MMS19: variants seen among roughly 807,000 people sequenced by gnomAD.
The protein encoded by MMS19 is MMS19 cytosolic iron-sulfur assembly component.
In MMS19, 77 loss-of-function variants were observed where a neutral mutation model predicts 129.8. The ratio of observed to expected loss-of-function variants is 0.59; its 90% CI spans 0.49 to 0.72. The LOEUF is 0.72. Ranked by LOEUF, MMS19 falls within the 30% of genes least tolerant of loss-of-function variation. The pLI is 0.00. For synonymous variants in MMS19, 491 were observed against 502.8 expected (o/e 0.98, Z 0.31); for missense variants, 1,168 against 1,266.3 (o/e 0.92, Z 1.18).
chr10:97,483,631 GTAACACTGC>G (rs993393526), intron 2 of MMS19, among the ~76,000 whole-genome samples: 1 of 152,262 alleles, frequency 6.6e-6, no homozygotes, highest in Non-Finnish European at 1.5e-5. Context: ...ATCCCAAGCT[GTAACACTGC>G]TTTATCAGCT....
At chr10:97,498,448 G>A, upstream of MMS19, 1 of 1,536,198 alleles carries the variant, frequency 6.5e-7, no homozygotes. Flanking sequence ...CTCCGCGCAT[G>A]CGCCTCCCGA....
chr10:97,459,143 C>T (rs2030853162), intron 29 of MMS19, 80 bp downstream of exon 29: 2 of 1,410,788 alleles, frequency 1.4e-6, no homozygotes, highest in South Asian at 1.4e-5. Flanking sequence ...GGTGGCCAAG[C>T]CCACCTGACT....
At chr10:97,471,744 C>T (rs1260529639) in intron 8 of MMS19, among the ~76,000 whole-genome samples, 1 of 152,144 alleles carries the variant, frequency 6.6e-6, no homozygotes. Flanking sequence ...CTCCTGACCT[C>T]GAATGATCCA....
chr10:97,496,832 A>G (rs1436097399), intron 1 of MMS19, among the ~76,000 whole-genome samples: 1 of 152,264 alleles, frequency 6.6e-6, no homozygotes, highest in African/African-American at 2.4e-5. Flanking sequence ...CATGCATGCC[A>G]AAGTATTTAA....
Position 97,463,856 on chromosome 10 carries a change from A to G in MMS19, c.1912+2T>C. On this transcript the variant is annotated splice_donor_variant, in intron 19 of 30. Coordinates refer to ENST00000438925, the MANE Select transcript of MMS19 (RefSeq NM_022362.5). LOFTEE classifies it high-confidence loss of function. ...GGCCAGGAAGGAGAGGTGGAAAGTT[A>G]CCTGGCATAGAGGCCTGCACAGCCA... The G allele has an allele frequency of 6.2e-7, 1 of 1,608,920 alleles. No homozygotes were observed. The highest frequency in any genetic ancestry group is 8.5e-7 in the Non-Finnish European group (1 of 1,177,736).
Position 97,465,802 on chromosome 10 carries a change from T to A in MMS19, c.1756+3A>T. The A allele has an allele frequency of 6.2e-7, 1 of 1,611,276 alleles. No individual in the cohort carries two copies. ...TCCGTTGGTGGTTATTCCTAGTAGT[T>A]ACCTCTGTTCACTTGCCAGAGATGC... On this transcript the variant is annotated splice_donor_region_variant and intron_variant, in intron 18 of 30. Coordinates refer to ENST00000438925, the MANE Select transcript of MMS19 (RefSeq NM_022362.5).
intron 1 of MMS19, among the ~76,000 whole-genome samples, chr10:97,495,813 G>A (rs975330722): frequency 2.0e-5 from 3 of 152,084 alleles, no homozygotes; most frequent in Non-Finnish European, 2.9e-5. Flanking sequence ...ACGGAGTCTC[G>A]CTCTGTTGCC....
chr10:97,493,378 A>C (rs1296039235), intron 1 of MMS19, among the ~76,000 whole-genome samples: 1 of 152,078 alleles, frequency 6.6e-6, no homozygotes, highest in East Asian at 1.9e-4. Flanking sequence ...GGAGTTGGAG[A>C]CCACCTTGGG....
At chr10:97,493,544 AC>A (rs1429955626) in intron 1 of MMS19, among the ~76,000 whole-genome samples, 2 of 152,104 alleles carry the variant, frequency 1.3e-5, no homozygotes, top group African/African-American at 4.8e-5. Flanking sequence ...AACAGAGTGG[AC>A]CCTGCTTCTA....
rs746025168 is a variant in MMS19 at position 97,461,886 on chromosome 10, G to A, written c.2126C>T (p.Ser709Leu). The A allele has an allele frequency of 3.7e-6, 6 of 1,605,516 alleles. No individual in the cohort carries two copies. In the South Asian group the frequency reaches 5.6e-5, roughly 15 times the overall value. Residue 709 changes from serine to leucine, a missense_variant, in exon 22 of 31, where the codon TCA becomes TTA. By Grantham distance (145) the Ser-to-Leu change is moderately radical. Coordinates refer to ENST00000438925, the MANE Select transcript of MMS19 (RefSeq NM_022362.5). ...SRFQPFQDGS[S>L]GQRRLIALLM... ...CAGTGCAATCAGCCGCCTCTGCCCT[G>A]AGGAGCCATCCTATAAAGGAAGGAG...
chr10:97,498,566 A>G (rs868199414), upstream of MMS19: 41 of 696,208 alleles, frequency 5.9e-5, no homozygotes, highest in Non-Finnish European at 8.5e-5. Context: ...GGGCGGTGGC[A>G]CCGAGAGGGA....
Position 97,468,404 on chromosome 10 carries a change from A to C in MMS19, c.1066T>G (p.Cys356Gly). 2 of 1,601,456 alleles carry C rather than the reference A, an allele frequency of 1.2e-6. No individual in the cohort carries two copies. Among genetic ancestry groups the C allele is most frequent in the Non-Finnish European group, 1.7e-6 (2 of 1,171,456 alleles). ...DSFLSNILQD[C>G]RHHLCEPDMK... is the part of the protein sequence containing the mutation. ...TCCGGTTCACACAGGTGGTGCCTGC[A>C]GTCTAGAGAAGCAGCACATCACAGA... Residue 356 changes from cysteine to glycine, a missense_variant and splice_region_variant, in exon 13 of 31, where the codon TGC becomes GGC. Coordinates refer to ENST00000438925, the MANE Select transcript of MMS19 (RefSeq NM_022362.5).
chr10:97,488,540 G>T (rs915150148), intron 1 of MMS19, among the ~76,000 whole-genome samples: 3 of 151,832 alleles, frequency 2.0e-5, no homozygotes, highest in African/African-American at 7.3e-5. Context: ...ATATAAAATG[G>T]TAAGAGTATT....
upstream of MMS19, chr10:97,498,557 G>A: frequency 1.3e-6 from 1 of 791,690 alleles, no homozygotes; most frequent in Non-Finnish European, 1.9e-6. Context: ...CCTGAAATGG[G>A]GCGGTGGCAC....
At chr10:97,487,318 CTTTTTT>C (rs201462938) in intron 1 of MMS19, among the ~76,000 whole-genome samples, 15 of 137,682 alleles carry the variant, frequency 1.1e-4, no homozygotes, top group South Asian at 2.3e-4. Context: ...GAGAAAATTT[CTTTTTT>C]TTTTTTTTTT....
chr10:97,470,883 T>C, intron 8 of MMS19, 22 bp from the exon 9 acceptor site: 2 of 1,610,552 alleles, frequency 1.2e-6, no homozygotes, highest in Non-Finnish European at 1.7e-6. Context: ...AGAAGGGCTG[T>C]GGGTTTGTGT....
At chr10:97,458,955 C>T (rs371388503) in intron 29 of MMS19, 55 bp from the exon 30 acceptor site, 87 of 1,536,246 alleles carry the variant, frequency 5.7e-5, no homozygotes, top group Admixed American at 8.6e-5. Context: ...CTGAAAGTAC[C>T]GCTTTTTTGA....
rs17112809 is a variant in MMS19, at chr10:97,466,089, C to T, written c.1576G>A (p.Val526Ile). 0.015 allele frequency: 24,741 copies of T among 1,610,840 alleles called. 615 individuals are homozygous for T. The highest frequency in any genetic ancestry group is 0.11 in the African/African-American group (7,896 of 74,974). The part of the protein sequence containing the change: ...LYPVAFSSHL[V>I]PKLAEELRVG... The stretch of plus-strand genomic sequence containing the variant: ...CGCAGCTCCTCAGCGAGCTTGGGTA[C>T]GAGGTGGCTGCTGAAGGCCACAGGG... The change falls in exon 17 of 31, where the codon GTA becomes ATA. Residue 526 changes from valine (V) to isoleucine (I), a missense_variant. Physicochemically the swap from Val to Ile is conservative, Grantham distance 29. Coordinates refer to ENST00000438925, the MANE Select transcript of MMS19 (RefSeq NM_022362.5).
rs1438239239 is a variant in MMS19 at position 97,469,638 on chromosome 10, A to G, written c.924+8T>C. 1.9e-6 allele frequency: 3 copies of G among 1,609,880 alleles called. No homozygotes were observed. The African/African-American group carries it at 4.0e-5, about 22-fold the overall frequency. ...TAACAGTAGTGAGTTTATCTGAGTG[A>G]CACTCACCTCTCTGCGGATAGAAGC... On this transcript the variant is annotated splice_region_variant and intron_variant, in intron 11 of 30. Transcript: ENST00000438925.
Sources: allele counts gnomAD v4.1 joint callset (sites outside exome capture counted in the v4.1 genomes callset), GRCh38; gene constraint gnomAD v4.1.1; transcripts MANE v1.5; gene names NCBI Gene and HGNC (gene_info 2026-07-23, HGNC 2026-07-21).